Variants in CNTN4 observed in about 807,000 individuals in gnomAD.
The protein encoded by CNTN4 is contactin-4.
Under a neutral mutation model 122.5 loss-of-function variants are expected in CNTN4, and 77 were observed. The observed-to-expected ratio is 0.63, with a 90% CI of 0.52 to 0.76. The LOEUF is 0.76. Among genes scored for constraint, CNTN4 ranks in the 30% least tolerant of loss-of-function variants. The probability of loss-of-function intolerance (pLI) is 0.00; values close to 1 mark genes in which losing one functional copy is unlikely to be tolerated. For missense variants in CNTN4, 1,256 were observed against 1,259.1 expected, an observed-to-expected ratio of 1.00 and a Z score of 0.04; for synonymous variants, 512 against 447.0, an observed-to-expected ratio of 1.15 and a Z score of -1.83.
chr3:2,655,397 C>G (rs2083542749), intron 4 of CNTN4, among the ~76,000 whole-genome samples: 1 of 152,118 alleles, frequency 6.6e-6, no homozygotes, highest in Non-Finnish European at 1.5e-5. Context: ...TCTGTATGCC[C>G]TTCACCTTTG....
At chr3:2,903,759 C>A (rs1385470031) in intron 12 of CNTN4, among the ~76,000 whole-genome samples, 3 of 151,902 alleles carry the variant, frequency 2.0e-5, no homozygotes, top group African/African-American at 7.2e-5. Flanking sequence ...TTTTTGTGAT[C>A]TTTCTATCTT....
chr3:2,895,957 C>G (rs926680856), intron 10 of CNTN4, among the ~76,000 whole-genome samples: 2 of 152,094 alleles, frequency 1.3e-5, no homozygotes, highest in Non-Finnish European at 2.9e-5. Flanking sequence ...GGCGTGAACC[C>G]AGAAGGCAGA....
chr3:2,778,474 C>G (rs1271384227), intron 6 of CNTN4, among the ~76,000 whole-genome samples: 1 of 152,076 alleles, frequency 6.6e-6, no homozygotes, highest in Non-Finnish European at 1.5e-5. Flanking sequence ...CAAAGCCACT[C>G]AAATTTCACT....
At chr3:2,536,999 G>A (rs185022914) in intron 3 of CNTN4, among the ~76,000 whole-genome samples, 2 of 152,176 alleles carry the variant, frequency 1.3e-5, no homozygotes, top group East Asian at 1.9e-4. Flanking sequence ...CTACCATGTA[G>A]TGTTTTTGTG....
chr3:2,856,612 G>T (rs928470901), intron 7 of CNTN4, among the ~76,000 whole-genome samples: 1 of 152,178 alleles, frequency 6.6e-6, no homozygotes, highest in Non-Finnish European at 1.5e-5. Flanking sequence ...CCAGATGGAC[G>T]GGCACAGCCC....
chr3:2,558,962 T>C (rs2078834694), intron 3 of CNTN4, among the ~76,000 whole-genome samples: 1 of 152,196 alleles, frequency 6.6e-6, no homozygotes, highest in African/African-American at 2.4e-5. Flanking sequence ...CTGTTATATA[T>C]GTGACAGGCC....
chr3:3,009,086 T>A, intron 14 of CNTN4: 2 of 953,798 alleles, frequency 2.1e-6, no homozygotes, highest in Non-Finnish European at 2.5e-6. Flanking sequence ...GGAGCCACAA[T>A]TAGGGAAGTA....
chr3:3,036,596 C>T (rs1171219237), intron 17 of CNTN4, among the ~76,000 whole-genome samples: 2 of 130,460 alleles, frequency 1.5e-5, no homozygotes, highest in African/African-American at 5.7e-5. Context: ...AATCCCGTCT[C>T]TACTAAAAAT....
chr3:2,108,905 AAGTATC>A lies in CNTN4; in HGVS notation c.-145+8267_-145+8272del, dbSNP rs1309606518. Among the ~76,000 whole-genome samples the A allele has an allele frequency of 5.1e-3, 774 of 152,300 alleles. 12 individuals carry two copies. The highest frequency in any genetic ancestry group is 0.018 in the African/African-American group (747 of 41,572). On this transcript the variant is annotated intron_variant, in intron 2 of 24. Transcript: ENST00000418658. ...TTATGGATTGTTGTTATTCACTTTTAAGTATCTCTTGCCTAAAACATAGTAGATGCC... is the reference window on the plus strand; with the variant it reads ...TTATGGATTGTTGTTATTCACTTTTATCTTGCCTAAAACATAGTAGATGCC...
At chr3:2,915,674 T>C (rs1156372678) in intron 12 of CNTN4, among the ~76,000 whole-genome samples, 2 of 152,216 alleles carry the variant, frequency 1.3e-5, no homozygotes, top group Non-Finnish European at 2.9e-5. Flanking sequence ...GGAATTACCA[T>C]ATAATCTGGC....
intron 12 of CNTN4, among the ~76,000 whole-genome samples, chr3:2,917,010 C>G (rs1171709015): frequency 7.9e-6 from 1 of 125,902 alleles, no homozygotes; most frequent in African/African-American, 2.9e-5. Flanking sequence ...AGCCTGGGCA[C>G]CATTGAGCAC....
intron 13 of CNTN4, among the ~76,000 whole-genome samples, chr3:2,951,567 G>A (rs191728806): frequency 1.8e-4 from 27 of 152,246 alleles, no homozygotes; most frequent in Non-Finnish European, 3.4e-4. Flanking sequence ...AATTTAGTTC[G>A]TGCATAATTC....
At chr3:3,019,960 A>T (rs1698145398) in intron 14 of CNTN4, among the ~76,000 whole-genome samples, 1 of 151,918 alleles carries the variant, frequency 6.6e-6, no homozygotes. Flanking sequence ...GTTTGAAATT[A>T]TTTCAAAATA....
chr3:2,471,721 A>T (rs1450037058), intron 3 of CNTN4, among the ~76,000 whole-genome samples: 3 of 152,180 alleles, frequency 2.0e-5, no homozygotes, highest in Non-Finnish European at 2.9e-5. Context: ...ACGGGAAATT[A>T]AAAAAGCTCT....
At chr3:2,588,362 GTT>G (rs2080302516) in intron 4 of CNTN4, among the ~76,000 whole-genome samples, 1 of 151,726 alleles carries the variant, frequency 6.6e-6, no homozygotes, top group African/African-American at 2.4e-5. Context: ...GTTAGGTTTT[GTT>G]TGTTTGTTTG....
chr3:2,508,300 G>A (rs1435900300), intron 3 of CNTN4, among the ~76,000 whole-genome samples: 1 of 152,114 alleles, frequency 6.6e-6, no homozygotes, highest in East Asian at 1.9e-4. Flanking sequence ...GTTCCCAGCT[G>A]GAGAAATGTC....
At chr3:2,140,697 C>G (rs1193374087) in intron 2 of CNTN4, among the ~76,000 whole-genome samples, 1 of 152,160 alleles carries the variant, frequency 6.6e-6, no homozygotes, top group Non-Finnish European at 1.5e-5. Flanking sequence ...ACATTCAGAC[C>G]ATAGCATAGG....
intron 4 of CNTN4, among the ~76,000 whole-genome samples, chr3:2,576,124 C>A (rs770234803): frequency 9.9e-5 from 15 of 152,138 alleles, no homozygotes; most frequent in Non-Finnish European, 1.5e-4. Context: ...CGTGAGCCAC[C>A]ACGCCCAGCC....
chr3:2,303,381 C>T lies in CNTN4; in HGVS notation c.-144-35797C>T, dbSNP rs1159241370. ...CCACTCGTTTCCCCTATTCACTCCCCAACCCAGCTCTGGACAACCACTAAT... is the reference window on the plus strand; with the variant it reads ...CCACTCGTTTCCCCTATTCACTCCCTAACCCAGCTCTGGACAACCACTAAT... On this transcript the variant is annotated intron_variant, in intron 2 of 24. Transcript: ENST00000418658. Among the ~76,000 whole-genome samples, 5 of 152,214 alleles carry T rather than the reference C, an allele frequency of 3.3e-5. No homozygotes were observed. In the East Asian group the frequency reaches 9.6e-4, roughly 29 times the overall value.
Sources: gnomAD v4.1 joint callset for allele counts (sites outside exome capture counted in the v4.1 genomes callset) on GRCh38, gnomAD v4.1.1 for gene constraint, MANE v1.5 for transcripts, NCBI Gene and HGNC (gene_info 2026-07-23, HGNC 2026-07-21) for gene names.